AGRN: variants seen among roughly 807,000 people sequenced by gnomAD.
The protein encoded by AGRN is agrin proteoglycan.
In AGRN, 106 loss-of-function variants were observed where a neutral mutation model predicts 211.0. The observed-to-expected ratio is 0.50, with a 90% CI of 0.43 to 0.59. AGRN has a LOEUF of 0.59. Ranked by LOEUF, AGRN falls within the 20% of genes least tolerant of loss-of-function variation. The pLI, the probability that AGRN is intolerant of heterozygous loss-of-function variation, is 0.00. For missense variants in AGRN, 3,040 were observed against 2,982.6 expected (o/e 1.02, Z -0.45); for synonymous variants, 1,525 against 1,332.5 (o/e 1.14, Z -3.15).
intron 3 of AGRN, among the ~76,000 whole-genome samples, chr1:1,039,123 T>C (rs1644867804): frequency 6.6e-6 from 1 of 152,166 alleles, no homozygotes; most frequent in African/African-American, 2.4e-5. Flanking sequence ...GGTGATAACC[T>C]GCCCACATTC....
chr1:1,049,209 G>T (rs1447885412), intron 24 of AGRN, 27 bp from the exon 25 acceptor site: 2 of 1,540,106 alleles, frequency 1.3e-6, no homozygotes, highest in Admixed American at 3.7e-5. Context: ...CCGGGCGATG[G>T]TCCTGAGCAC....
chr1:1,023,859 C>A (rs1022624808), intron 2 of AGRN, among the ~76,000 whole-genome samples: 1 of 152,206 alleles, frequency 6.6e-6, no homozygotes, highest in Non-Finnish European at 1.5e-5. Context: ...CCGTGGGGAG[C>A]CCCTGCCAGG....
chr1:1,048,200 GC>G lies in AGRN; in HGVS notation c.3945del (p.Ser1316AlafsTer111). Reference protein sequence around the residue: ...APTTRRPPTTAPSRVPGRRPP... With the variant: ...APTTRRPPTTXPSRVPGRRPP... ...CACCACACGTCGGCCCCCCACCACT[GC>G]CCCCAGCCGTGTGCCCGGACGTCGG... On this transcript the variant is annotated frameshift_variant, in exon 23 of 36. Transcript: ENST00000379370. LOFTEE classifies it high-confidence loss of function. The surrounding 1 kb of genome is among the most constrained non-coding windows in gnomAD (Gnocchi z 5.9). 6.4e-7 allele frequency: 1 copy of G among 1,560,030 alleles called. No homozygotes were observed.
At chr1:1,022,713 C>T (rs1002126855) in intron 2 of AGRN, among the ~76,000 whole-genome samples, 5 of 152,260 alleles carry the variant, frequency 3.3e-5, no homozygotes, top group African/African-American at 1.2e-4. Context: ...AGATGGCCTC[C>T]TGCCTCCTCC....
chr1:1,047,821 A>G lies in AGRN; in HGVS notation c.3677A>G (p.Gln1226Arg), dbSNP rs1286999953. 9 of 1,603,896 alleles carry G rather than the reference A, an allele frequency of 5.6e-6. No individual in the cohort carries two copies. The highest frequency in any genetic ancestry group is 7.7e-6 in the Non-Finnish European group (9 of 1,175,924). ...GACGTGGCCCGGGCCCTGCTCCGGC[A>G]GATCCAGGTGTCCAGGCGCCGGTCC... ...APDVARALLRQIQVSRRRSLG... is the reference protein window; with the variant it reads ...APDVARALLRRIQVSRRRSLG... Residue 1226 changes from glutamine to arginine, a missense_variant, in exon 22 of 36, where the codon CAG becomes CGG. This residue lies in a region of AGRN where 1,537 missense variants were observed against 1,505.0 expected (regional missense o/e 1.02). Transcript: ENST00000379370.
rs751139549 is a variant in AGRN at position 1,047,658 on chromosome 1, G to C, written c.3602G>C (p.Arg1201Pro). Residue 1201 changes from arginine (R) to proline (P), a missense_variant, in exon 21 of 36, where the codon CGC becomes CCC. Coordinates refer to ENST00000379370, the MANE Select transcript of AGRN (RefSeq NM_198576.4). ...LRDLGPGKSV[R>P]AIVDVHFDPT... ...GACCTGGGGCCCGGCAAATCCGTCC[G>C]CGCCATTGTGGATGTGCACTTTGAC... 5 of 1,612,960 alleles carry C rather than the reference G, an allele frequency of 3.1e-6. No homozygotes were observed. Among genetic ancestry groups the C allele is most frequent in the Non-Finnish European group, 4.2e-6 (5 of 1,180,022 alleles).
At chr1:1,041,868 C>A (rs1644951479) in intron 6 of AGRN, 88 bp from the exon 7 acceptor site, 2 of 1,576,954 alleles carry the variant, frequency 1.3e-6, no homozygotes, top group East Asian at 2.3e-5. Flanking sequence ...TCTGGGAGGG[C>A]CGCCTGCTCC....
rs1424224680 is a variant in AGRN, at chr1:1,053,816, G to A, written c.5715G>A (p.Leu1905=). Residue 1905 remains leucine, a synonymous_variant, in exon 34 of 36, where the codon CTG becomes CTA. Coordinates refer to ENST00000379370, the MANE Select transcript of AGRN (RefSeq NM_198576.4). Reference sequence around the variant, plus strand: ...TGCGCACTGAGGCCACGCAGGGGCTGGTGCTCTGGAGTGGCAAGGCCACGG... The same window carrying A: ...TGCGCACTGAGGCCACGCAGGGGCTAGTGCTCTGGAGTGGCAAGGCCACGG... ...LSLRTEATQG[L]VLWSGKATER... 4.3e-6 allele frequency: 7 copies of A among 1,611,150 alleles called. No individual in the cohort carries two copies. Among genetic ancestry groups the A allele is most frequent in the Non-Finnish European group, 5.9e-6 (7 of 1,179,434 alleles).
At position 1,053,726 on chromosome 1, in the gene AGRN, G is replaced by A. The variant is rs529070485; in HGVS notation, c.5652-27G>A. On this transcript the variant is annotated intron_variant, in intron 33 of 35. Transcript: ENST00000379370. ...CCTGTCCTGTTGCCACCTTCCTAGA[G>A]GCCCTGACCTGCCCTCTGCCCTCCA... The A allele has an allele frequency of 3.6e-5, 57 of 1,569,842 alleles. No individual in the cohort carries two copies. The East Asian group carries it at 1.3e-3, about 36-fold the overall frequency.
chr1:1,033,769 GTCCCGGCCCAGCCCCAGCCCCAGCGC>G (rs1250349992), intron 2 of AGRN, among the ~76,000 whole-genome samples: 2 of 102,060 alleles, frequency 2.0e-5, no homozygotes, highest in East Asian at 3.3e-4. Context: ...CCCAGCCCCA[GTCCCGGCCCAGCCCCAGCCCCAGCGC>G]TCCCGGCCCC....
chr1:1,041,574 C>T lies in AGRN; in HGVS notation c.1049C>T (p.Pro350Leu), dbSNP rs1480539968. 6.2e-7 allele frequency: 1 copy of T among 1,610,362 alleles called. No individual in the cohort carries two copies. Among genetic ancestry groups the T allele is most frequent in the Non-Finnish European group, 8.5e-7 (1 of 1,179,384 alleles). The change falls in exon 6 of 36, where the codon CCT becomes CTT. Residue 350 changes from proline (P) to leucine (L), a missense_variant. Around this residue, in one of 3 missense-constraint regions of AGRN, gnomAD observed 1,498 missense variants for 1,457.8 expected, o/e 1.03. Coordinates refer to ENST00000379370, the MANE Select transcript of AGRN (RefSeq NM_198576.4). ...PEMLLRPESC[P>L]ARQAPVCGDD... Reference sequence around the variant, plus strand: ...ATGCTCCTACGGCCCGAGAGCTGCCCTGCCCGGCAGGCGCCAGTGTGTGGG... The same window carrying T: ...ATGCTCCTACGGCCCGAGAGCTGCCTTGCCCGGCAGGCGCCAGTGTGTGGG...
At position 1,041,510 on chromosome 1, in the gene AGRN, C is replaced by T. The variant is rs1644936666; in HGVS notation, c.985C>T (p.Arg329Cys). ...PCQGALPDPS[R>C]SCRVNPRTRR... ...TCAGGGCGCCCTCCCTGACCCGAGC[C>T]GCAGCTGCCGTGTGAACCCGCGCAC... is the stretch of plus-strand genomic sequence containing the variant. The change falls in exon 6 of 36, where the codon CGC becomes TGC. Residue 329 changes from arginine (R) to cysteine (C), a missense_variant. Arg to Cys is a radical substitution (Grantham distance 180). This residue lies in a region of AGRN where 1,498 missense variants were observed against 1,457.8 expected (regional missense o/e 1.03). Coordinates refer to ENST00000379370, the MANE Select transcript of AGRN (RefSeq NM_198576.4). 3 of 1,599,708 alleles carry T rather than the reference C, an allele frequency of 1.9e-6. No homozygotes were observed. The highest frequency in any genetic ancestry group is 1.1e-5 in the South Asian group (1 of 90,702).
chr1:1,026,285 G>A (rs566039793), intron 2 of AGRN, among the ~76,000 whole-genome samples: 1 of 152,300 alleles, frequency 6.6e-6, no homozygotes, highest in East Asian at 1.9e-4. Flanking sequence ...GATGGCACCT[G>A]CTGCAGCCTC....
intron 2 of AGRN, among the ~76,000 whole-genome samples, chr1:1,023,265 C>T (rs922320746): frequency 6.6e-6 from 1 of 152,194 alleles, no homozygotes; most frequent in Non-Finnish European, 1.5e-5. Flanking sequence ...ACTTTGCTGC[C>T]CTGACACTAG....
chr1:1,032,961 C>G lies in AGRN; in HGVS notation c.464-2316C>G, dbSNP rs1644705036. On this transcript the variant is annotated intron_variant, in intron 2 of 35. Transcript: ENST00000379370. The surrounding 1 kb of genome is among the most constrained non-coding windows in gnomAD (Gnocchi z 4.7). ...CTTACCCCCGGATCCCCCGGCTGGG[C>G]AGCGGCCAGGGAGAGGGGCGACCTA... Among the ~76,000 whole-genome samples, 1 of 152,026 alleles carries G rather than the reference C, an allele frequency of 6.6e-6. No individual in the cohort carries two copies. Among genetic ancestry groups the G allele is most frequent in the African/African-American group, 2.4e-5 (1 of 41,402 alleles).
Position 1,043,917 on chromosome 1 carries a change from G to C in AGRN, c.1893G>C (p.Val631=). 1.2e-6 allele frequency: 2 copies of C among 1,610,214 alleles called. No individual in the cohort carries two copies. The highest frequency in any genetic ancestry group is 1.7e-6 in the Non-Finnish European group (2 of 1,179,692). Reference sequence around the variant, plus strand: ...GTGAGCACCCCCCGCCCGGCCCCGTGTGTGGCAGCGACGGTGTCACCTACG... The same window carrying C: ...GTGAGCACCCCCCGCCCGGCCCCGTCTGTGGCAGCGACGGTGTCACCTACG... ...PRCEHPPPGP[V]CGSDGVTYGS... The change falls in exon 10 of 36, where the codon GTG becomes GTC. Residue 631 remains valine (V), a synonymous_variant. Transcript: ENST00000379370.
In AGRN at chr1:1,040,697, G is replaced by C. The variant is rs561344136; in HGVS notation, c.544G>C (p.Val182Leu). The part of the protein sequence containing the change: ...CRGMLCGFGA[V>L]CEPNAEGPGR... ...GGGAATGCTGTGCGGCTTCGGCGCC[G>C]TGTGCGAGCCCAACGCGGAGGGGCC... Residue 182 changes from valine (V) to leucine (L), a missense_variant, in exon 4 of 36, where the codon GTG (valine) becomes CTG (leucine). By Grantham distance (32) the Val-to-Leu change is conservative. Coordinates refer to ENST00000379370, the MANE Select transcript of AGRN (RefSeq NM_198576.4). 1 of 1,547,586 alleles carries C rather than the reference G, an allele frequency of 6.5e-7. No homozygotes were observed. Among genetic ancestry groups the C allele is most frequent in the South Asian group, 1.2e-5 (1 of 84,004 alleles).
chr1:1,020,553 A>G (rs1240667311), intron 1 of AGRN, among the ~76,000 whole-genome samples, 180 bp downstream of exon 1: 1 of 151,532 alleles, frequency 6.6e-6, no homozygotes, highest in African/African-American at 2.4e-5. Context: ...GCGCCGGGGA[A>G]AGTTGCTGCG....
At chr1:1,034,101 C>T (rs926732519) in intron 2 of AGRN, 169 of 984,592 alleles carry the variant, frequency 1.7e-4, no homozygotes, top group Non-Finnish European at 2.0e-4. Flanking sequence ...GCCGCCCCTC[C>T]TGCCTGCCCG....
Sources: gnomAD v4.1 joint callset for allele counts (sites outside exome capture counted in the v4.1 genomes callset) on GRCh38, gnomAD v4.1.1 for gene constraint, gnomAD v4.1.1 regional missense constraint, Gnocchi (gnomAD v3.1) non-coding constraint, MANE v1.5 for transcripts, NCBI Gene and HGNC (gene_info 2026-07-23, HGNC 2026-07-21) for gene names.